Variants in LAMA4 observed in about 807,000 individuals in gnomAD.
LAMA4 encodes laminin subunit alpha 4, also known as laminin subunit alpha-4.
LAMA4 carries 127 observed loss-of-function variants against 207.1 expected under a neutral mutation model. The ratio of observed to expected loss-of-function variants is 0.61; its 90% CI spans 0.53 to 0.71. LAMA4 has a LOEUF of 0.71. LAMA4 is among the 30% of genes least tolerant of loss of function. The pLI, the probability that LAMA4 is intolerant of heterozygous loss-of-function variation, is 0.00. For missense variants in LAMA4, 2,093 were observed against 2,246.5 expected, an observed-to-expected ratio of 0.93 and a Z score of 1.38; for synonymous variants, 761 against 816.0, an observed-to-expected ratio of 0.93 and a Z score of 1.15.
At chr6:112,192,766 C>A (rs997036807) in intron 5 of LAMA4, among the ~76,000 whole-genome samples, 4 of 152,220 alleles carry the variant, frequency 2.6e-5, no homozygotes. Context: ...CCTTTCCCTA[C>A]TTTTCCCAAA....
At position 112,241,150 on chromosome 6, in the gene LAMA4, A is replaced by AATATATATGAATATATATATTT. The variant is rs1562102037; in HGVS notation, c.195+12805_195+12806insAAATATATATATTCATATATAT. Among the ~76,000 whole-genome samples the AATATATATGAATATATATATTT allele has an allele frequency of 2.8e-4, 17 of 60,708 alleles. 2 individuals carry two copies. Among genetic ancestry groups the AATATATATGAATATATATATTT allele is most frequent in the Non-Finnish European group, 5.9e-4 (14 of 23,850 alleles). The allele number at this position is 60,708 out of a possible 152,430, so 39.8% of individuals were successfully genotyped here. ...ATGAATATATAGGAATATATATATG[A>AATATATATGAATATATATATTT]ATATATATATGAATATATATGAATA... On this transcript the variant is annotated intron_variant, in intron 2 of 38. Coordinates refer to ENST00000230538, the MANE Select transcript of LAMA4 (RefSeq NM_001105206.3).
chr6:112,135,777 G>A (rs1779301702), intron 25 of LAMA4: 1 of 210,956 alleles, frequency 4.7e-6, no homozygotes, highest in Non-Finnish European at 9.6e-6. Flanking sequence ...AGCAAAAAAA[G>A]GCTGTGTATC....
intron 2 of LAMA4, among the ~76,000 whole-genome samples, chr6:112,238,770 A>G (rs1786134475): frequency 1.3e-5 from 2 of 152,248 alleles, no homozygotes; most frequent in South Asian, 4.1e-4. Flanking sequence ...ATGTATAATT[A>G]AAATGAAGTG....
At chr6:112,251,180 G>T (rs147348395) in intron 2 of LAMA4, 2 of 152,160 alleles carry the variant, frequency 1.3e-5, no homozygotes, top group African/African-American at 4.8e-5. Context: ...TTTGCATCTG[G>T]GGGGAAGCTT....
chr6:112,252,418 AT>A (rs1562114944), intron 2 of LAMA4, among the ~76,000 whole-genome samples: 1 of 151,924 alleles, frequency 6.6e-6, no homozygotes, highest in African/African-American at 2.4e-5. Context: ...TTACTTTCCT[AT>A]TTTTTTTGTG....
chr6:112,186,426 A>G (rs9398300), intron 8 of LAMA4, among the ~76,000 whole-genome samples: 7 of 152,232 alleles, frequency 4.6e-5, no homozygotes, highest in Non-Finnish European at 1.0e-4. Context: ...ATTTTCCCTC[A>G]GCTAATGATT....
intron 7 of LAMA4, among the ~76,000 whole-genome samples, chr6:112,188,003 G>T (rs1562710543): frequency 6.6e-6 from 1 of 152,114 alleles, no homozygotes; most frequent in African/African-American, 2.4e-5. Flanking sequence ...TGGGCACATG[G>T]GGAGGCAGGT....
At chr6:112,141,034 A>C in intron 21 of LAMA4, 112 bp from the exon 22 acceptor site, 1 of 905,348 alleles carries the variant, frequency 1.1e-6, no homozygotes, top group Non-Finnish European at 1.8e-6. Flanking sequence ...TGTGACACTA[A>C]TAAGCATTTA....
Position 112,142,282 on chromosome 6 carries a change from G to C in LAMA4, c.2504C>G (p.Ser835Cys), listed in dbSNP as rs1779745289. 6.2e-7 allele frequency: 1 copy of C among 1,613,998 alleles called. No homozygotes were observed. Among genetic ancestry groups the C allele is most frequent in the African/African-American group, 1.3e-5 (1 of 74,902 alleles). ...AGCTGACTGGCCATCAAACATCATG[G>C]AGACTTGGATCTGGAGTGACACAAC... is the stretch of plus-strand genomic sequence containing the variant. ...TRSVASKIQV[S>C]MMFDGQSAVE... Residue 835 changes from serine (S) to cysteine (C), a missense_variant, in exon 20 of 39, where the codon TCC (serine) becomes TGC (cysteine). Coordinates refer to ENST00000230538, the MANE Select transcript of LAMA4 (RefSeq NM_001105206.3).
rs569415214 is a variant in LAMA4 at position 112,152,551 on chromosome 6, T to C, written c.2057-1924A>G. 3.9e-5 allele frequency among the ~76,000 whole-genome samples: 6 copies of C among 152,248 alleles called. No homozygotes were observed. The South Asian group carries it at 1.2e-3, about 32-fold the overall frequency. ...TGTTTGTGCTTTAATTCCAAAGCAC[T>C]GAGAATTTTGTTTCTTAACAAACAG... On this transcript the variant is annotated intron_variant, in intron 16 of 38. Transcript: ENST00000230538.
chr6:112,244,916 T>C (rs1786801370), intron 2 of LAMA4, among the ~76,000 whole-genome samples: 3 of 152,192 alleles, frequency 2.0e-5, no homozygotes, highest in African/African-American at 7.2e-5. Context: ...ATGAATGGAA[T>C]TTCAGGGTGT....
In LAMA4 at chr6:112,150,696, A is replaced by C. The variant is rs188145402; in HGVS notation, c.2057-69T>G. 2,078 of 1,064,736 alleles carry C rather than the reference A, an allele frequency of 2.0e-3. 6 individuals carry two copies. The highest frequency in any genetic ancestry group is 2.7e-3 in the Non-Finnish European group (1,823 of 679,600). The allele number at this position is 1,064,736 out of a possible 1,614,324, so 66.0% of individuals were successfully genotyped here. A position where few individuals can be genotyped will look rare whatever the true frequency, so the allele number is the denominator to read the frequency against. On this transcript the variant is annotated intron_variant, in intron 16 of 38. Transcript: ENST00000230538. ...CCTCGAAAAGGATTCCATTTCAACA[A>C]GGAAACTTCTCATTTGTACGATGCA...
intron 2 of LAMA4, among the ~76,000 whole-genome samples, chr6:112,248,546 T>C (rs1356290325): frequency 2.0e-5 from 3 of 152,076 alleles, no homozygotes; most frequent in Non-Finnish European, 2.9e-5. Context: ...CTGTTATTTT[T>C]ATTTTATCAT....
chr6:112,238,684 G>A (rs1479426911), intron 2 of LAMA4, among the ~76,000 whole-genome samples: 9 of 152,132 alleles, frequency 5.9e-5, no homozygotes, highest in Non-Finnish European at 1.3e-4. Flanking sequence ...TCCAGCCTGG[G>A]CGGCAGAGCA....
At chr6:112,236,342 T>A (rs1159722431) in intron 2 of LAMA4, 5 of 152,256 alleles carry the variant, frequency 3.3e-5, no homozygotes, top group Non-Finnish European at 7.3e-5. Context: ...ATTTCCATGC[T>A]TTCATAAATT....
At chr6:112,225,815 C>G (rs1269484064) in intron 2 of LAMA4, among the ~76,000 whole-genome samples, 3 of 152,142 alleles carry the variant, frequency 2.0e-5, no homozygotes, top group Admixed American at 1.3e-4. Context: ...ACTGCTTAGA[C>G]CTTAAACAAC....
chr6:112,158,822 A>C lies in LAMA4; in HGVS notation c.1727T>G (p.Leu576Arg). Residue 576 changes from leucine to arginine, a missense_variant, in exon 14 of 39, where the codon CTA becomes CGA. Leu to Arg is a moderately radical substitution (Grantham distance 102). Around this residue, in one of 3 missense-constraint regions of LAMA4, gnomAD observed 1,704 missense variants for 1,788.4 expected, o/e 0.95. Transcript: ENST00000230538. ...ATGGCTGAGGTTACTTAGGTTAGATAGTTTTACTTGTAGTTCACTTTTGGC... is the reference window on the plus strand; with the variant it reads ...ATGGCTGAGGTTACTTAGGTTAGATCGTTTTACTTGTAGTTCACTTTTGGC... The part of the protein sequence containing the change: ...DGAKSELQVK[L>R]SNLSNLSHDL... The C allele has an allele frequency of 6.2e-7, 1 of 1,613,114 alleles. No individual in the cohort carries two copies. Among genetic ancestry groups the C allele is most frequent in the Non-Finnish European group, 8.5e-7 (1 of 1,179,056 alleles).
chr6:112,145,454 A>G (rs744006), intron 18 of LAMA4, among the ~76,000 whole-genome samples: 46,413 of 152,074 alleles, frequency 0.31, 7,636 homozygotes, highest in African/African-American at 0.43. Flanking sequence ...ACTGGCTTGT[A>G]CCTGGAAAGA....
At chr6:112,231,125 A>C (rs1006484926) in intron 2 of LAMA4, among the ~76,000 whole-genome samples, 1 of 152,242 alleles carries the variant, frequency 6.6e-6, no homozygotes, top group Non-Finnish European at 1.5e-5. Flanking sequence ...TACCCGGGAT[A>C]AAAGTCATCT....
Sources: gnomAD v4.1 joint callset for allele counts (sites outside exome capture counted in the v4.1 genomes callset) on GRCh38, gnomAD v4.1.1 for gene constraint, gnomAD v4.1.1 regional missense constraint, MANE v1.5 for transcripts, NCBI Gene and HGNC (gene_info 2026-07-23, HGNC 2026-07-21) for gene names.